Variants in MPHOSPH6 observed in about 807,000 individuals in gnomAD.
MPHOSPH6 encodes the protein M-phase phosphoprotein 6.
Under a neutral mutation model 21.8 loss-of-function variants are expected in MPHOSPH6, and 25 were observed. The observed-to-expected ratio is 1.15, with a 90% confidence interval of 0.83 to 1.60. The LOEUF is 1.60. MPHOSPH6 is among the 40% of genes most tolerant of loss of function. MPHOSPH6 has a pLI of 0.00. For missense variants in MPHOSPH6, 269 were observed against 181.8 expected (o/e 1.48, Z -2.76); for synonymous variants, 84 against 56.5 (o/e 1.49, Z -2.18).
chr16:82,166,765 G>A lies in MPHOSPH6; in HGVS notation c.52-2571C>T, dbSNP rs145103776. ...CCTCATTTCATCACTAATATTCCTC[G>A]TGGTAAAACTCATCAATACTGCCCA... is the stretch of plus-strand genomic sequence containing the variant. On this transcript the variant is annotated intron_variant, in intron 1 of 4. Coordinates refer to ENST00000258169, the MANE Select transcript of MPHOSPH6 (RefSeq NM_005792.2). Among the ~76,000 whole-genome samples, 8 of 152,160 alleles carry A rather than the reference G, an allele frequency of 5.3e-5. No individual in the cohort carries two copies. In the East Asian group the frequency reaches 5.8e-4, roughly 11 times the overall value.
intron 2 of MPHOSPH6, among the ~76,000 whole-genome samples, chr16:82,152,014 C>G (rs895526133): frequency 2.6e-5 from 4 of 152,164 alleles, no homozygotes; most frequent in African/African-American, 9.7e-5. Flanking sequence ...ATTATCAAAG[C>G]AGCACATTTT....
At chr16:82,154,855 TAAG>T (rs1906379628) in intron 2 of MPHOSPH6, among the ~76,000 whole-genome samples, 1 of 152,048 alleles carries the variant, frequency 6.6e-6, no homozygotes, top group African/African-American at 2.4e-5. Context: ...AACCAAGAAC[TAAG>T]AAGAGGAGGT....
chr16:82,152,381 G>A (rs868321356), intron 2 of MPHOSPH6, among the ~76,000 whole-genome samples: 4 of 152,162 alleles, frequency 2.6e-5, no homozygotes, highest in Non-Finnish European at 4.4e-5. Context: ...ATCAGTCAGA[G>A]CTCTTAGCTA....
chr16:82,151,961 T>G (rs531072436), intron 2 of MPHOSPH6, among the ~76,000 whole-genome samples: 132 of 152,334 alleles, frequency 8.7e-4, no homozygotes, highest in Non-Finnish European at 1.5e-3. Flanking sequence ...TTCTGGCATA[T>G]TTTGTCTTTC....
At chr16:82,152,103 G>C (rs1366068439) in intron 2 of MPHOSPH6, among the ~76,000 whole-genome samples, 2 of 152,146 alleles carry the variant, frequency 1.3e-5, no homozygotes, top group East Asian at 3.8e-4. Flanking sequence ...GGATAAAAAG[G>C]ACTGTTAGTA....
chr16:82,169,243 C>T (rs746796971), intron 1 of MPHOSPH6, among the ~76,000 whole-genome samples: 1 of 152,204 alleles, frequency 6.6e-6, no homozygotes, highest in Non-Finnish European at 1.5e-5. Context: ...ACTCTGCAAC[C>T]CCATTTCTTA....
At chr16:82,166,210 C>T (rs1473420520) in intron 1 of MPHOSPH6, among the ~76,000 whole-genome samples, 1 of 152,218 alleles carries the variant, frequency 6.6e-6, no homozygotes, top group Non-Finnish European at 1.5e-5. Flanking sequence ...TCCTGTGAAT[C>T]TATCACTATT....
At chr16:82,159,418 T>A (rs1906535222) in intron 2 of MPHOSPH6, among the ~76,000 whole-genome samples, 1 of 152,212 alleles carries the variant, frequency 6.6e-6, no homozygotes, top group African/African-American at 2.4e-5. Flanking sequence ...TAAATTTTTT[T>A]TTTTGAGATG....
intron 3 of MPHOSPH6, among the ~76,000 whole-genome samples, chr16:82,150,469 G>A (rs528772961): frequency 9.2e-5 from 14 of 152,056 alleles, no homozygotes; most frequent in East Asian, 3.9e-4. Context: ...CTCCCACTCC[G>A]CCAAAAAAGA....
intron 2 of MPHOSPH6, among the ~76,000 whole-genome samples, chr16:82,161,287 T>G (rs1223238036): frequency 6.6e-6 from 1 of 152,128 alleles, no homozygotes; most frequent in Non-Finnish European, 1.5e-5. Flanking sequence ...CCCCTACATC[T>G]CAGACCCAGA....
At position 82,153,423 on chromosome 16, in the gene MPHOSPH6, C is replaced by T. The variant is rs528177851; in HGVS notation, c.165-1909G>A. The stretch of plus-strand genomic sequence containing the variant: ...TCAAATGAAGTAGACCCCATGAATG[C>T]GGAGCTTTCTGCCTGGAGGCAATTT... On this transcript the variant is annotated intron_variant, in intron 2 of 4. Transcript: ENST00000258169. Among the ~76,000 whole-genome samples, 7 of 152,232 alleles carry T rather than the reference C, an allele frequency of 4.6e-5. No homozygotes were observed. The South Asian group carries it at 6.2e-4, about 14-fold the overall frequency.
intron 1 of MPHOSPH6, among the ~76,000 whole-genome samples, chr16:82,167,943 A>C (rs1208441443): frequency 6.6e-6 from 1 of 152,040 alleles, no homozygotes. Context: ...AAGTGCAGCT[A>C]CTCCATGCCT....
chr16:82,169,488 G>T (rs1317709122), intron 1 of MPHOSPH6, among the ~76,000 whole-genome samples: 1 of 152,070 alleles, frequency 6.6e-6, no homozygotes, highest in East Asian at 1.9e-4. Context: ...TACTTCTCTG[G>T]GTCTCCAGCC....
intron 2 of MPHOSPH6, among the ~76,000 whole-genome samples, chr16:82,154,577 A>G (rs1290670245): frequency 6.6e-6 from 1 of 152,192 alleles, no homozygotes; most frequent in African/African-American, 2.4e-5. Context: ...GCATGCAATG[A>G]AGAAAGAAAC....
chr16:82,164,083 C>G lies in MPHOSPH6; in HGVS notation c.163G>C (p.Glu55Gln), dbSNP rs1006692785. 6 of 1,602,056 alleles carry G rather than the reference C, an allele frequency of 3.7e-6. No homozygotes were observed. In the Admixed American group the frequency reaches 1.0e-4, roughly 27 times the overall value. ...YLDLPELKEKESFIIEEQSFL... is the reference protein window; with the variant it reads ...YLDLPELKEKQSFIIEEQSFL... The stretch of plus-strand genomic sequence containing the variant: ...CAGTATCAATTTTAATAAACCTACT[C>G]TTTCTCTTTAAGCTCTGGCAAATCC... The change falls in exon 2 of 5, where the codon GAG becomes CAG. Residue 55 changes from glutamate to glutamine, a missense_variant and splice_region_variant. Glu to Gln is a conservative substitution (Grantham distance 29, BLOSUM62 2). Coordinates refer to ENST00000258169, the MANE Select transcript of MPHOSPH6 (RefSeq NM_005792.2).
intron 2 of MPHOSPH6, among the ~76,000 whole-genome samples, chr16:82,159,759 C>G (rs185002726): frequency 1.3e-5 from 2 of 152,254 alleles, no homozygotes; most frequent in East Asian, 3.9e-4. Flanking sequence ...TTCCAAAACT[C>G]TGAGAACCAC....
intron 2 of MPHOSPH6, 151 bp downstream of exon 2, chr16:82,163,931 G>C (rs1906681330): frequency 1.2e-5 from 7 of 580,760 alleles, no homozygotes; most frequent in African/African-American, 1.9e-5. Flanking sequence ...AACTTCTATA[G>C]GTTTAATATT....
In MPHOSPH6 at chr16:82,163,956, C is replaced by T. The variant is rs991906588; in HGVS notation, c.164+126G>A. The T allele has an allele frequency of 3.4e-4, 216 of 626,764 alleles. 1 individual carries two copies. Among genetic ancestry groups the T allele is most frequent in the Non-Finnish European group, 6.8e-5 (25 of 366,760 alleles). 38.8% of individuals were successfully genotyped at this position (626,764 alleles called of 1,614,324 possible). On this transcript the variant is annotated intron_variant, in intron 2 of 4. Coordinates refer to ENST00000258169, the MANE Select transcript of MPHOSPH6 (RefSeq NM_005792.2). ...GGTTTAATATTTTTTAGTTGTGCTACTAAATCAATAAACTGAACAGAAACA... is the reference window on the plus strand; with the variant it reads ...GGTTTAATATTTTTTAGTTGTGCTATTAAATCAATAAACTGAACAGAAACA...
chr16:82,157,947 G>C (rs1906481259), intron 2 of MPHOSPH6, among the ~76,000 whole-genome samples: 1 of 152,148 alleles, frequency 6.6e-6, no homozygotes, highest in Non-Finnish European at 1.5e-5. Context: ...ATCTTTTACT[G>C]TGTTGACATT....
Sources: allele counts gnomAD v4.1 joint callset (sites outside exome capture counted in the v4.1 genomes callset), GRCh38; gene constraint gnomAD v4.1.1; transcripts MANE v1.5; gene names NCBI Gene and HGNC (gene_info 2026-07-23, HGNC 2026-07-21).